The following FAP variants were observed in gnomAD, a reference collection of about 807,000 sequenced individuals.
FAP encodes fibroblast activation protein alpha, also known as prolyl endopeptidase FAP.
In FAP, 110 loss-of-function variants were observed where a neutral mutation model predicts 126.5. The ratio of observed to expected loss-of-function variants is 0.87; its 90% CI spans 0.74 to 1.02. The LOEUF (loss-of-function observed/expected upper bound fraction) is 1.02. FAP is among the 50% of genes least tolerant of loss of function. FAP has a pLI of 0.00. For missense variants in FAP, 919 were observed against 909.2 expected, an observed-to-expected ratio of 1.01 and a Z score of -0.14; for synonymous variants, 334 against 297.3, an observed-to-expected ratio of 1.12 and a Z score of -1.27.
intron 17 of FAP, among the ~76,000 whole-genome samples, chr2:162,191,534 GCA>G (rs2106230479): frequency 6.6e-6 from 1 of 151,476 alleles, no homozygotes; most frequent in South Asian, 2.1e-4. Flanking sequence ...TCAGTACCAA[GCA>G]CACACAGCAC....
intron 2 of FAP, among the ~76,000 whole-genome samples, chr2:162,236,622 G>GC (rs1690145158): frequency 6.6e-6 from 1 of 151,812 alleles, no homozygotes; most frequent in African/African-American, 2.4e-5. Context: ...TTTGGTGGGG[G>GC]GGCAGGGAGA....
At chr2:162,230,856 A>G (rs946364289) in intron 2 of FAP, among the ~76,000 whole-genome samples, 4 of 152,214 alleles carry the variant, frequency 2.6e-5, no homozygotes, top group African/African-American at 9.6e-5. Context: ...ATTTCACTGA[A>G]TCTATTTTGC....
intron 8 of FAP, 38 bp from the exon 9 acceptor site, chr2:162,218,178 T>A: frequency 7.4e-7 from 1 of 1,355,234 alleles, no homozygotes; most frequent in Non-Finnish European, 1.0e-6. Flanking sequence ...TATAATTACA[T>A]CTTACTCTTA....
At chr2:162,235,196 C>T (rs1690073734) in intron 2 of FAP, among the ~76,000 whole-genome samples, 1 of 152,136 alleles carries the variant, frequency 6.6e-6, no homozygotes, top group African/African-American at 2.4e-5. Flanking sequence ...CTGCCCCTCC[C>T]CCTCCGCCAT....
chr2:162,198,346 C>T (rs1404986616), intron 16 of FAP: 3 of 1,282,962 alleles, frequency 2.3e-6, no homozygotes, highest in Admixed American at 4.9e-5. Context: ...GGCCAAAAGT[C>T]CAGCAACCAT....
intron 12 of FAP, among the ~76,000 whole-genome samples, chr2:162,207,734 A>G (rs1211867408): frequency 1.3e-5 from 2 of 149,672 alleles, no homozygotes; most frequent in African/African-American, 4.9e-5. Flanking sequence ...TTTTTGAGAC[A>G]GAGTCTCGCT....
At chr2:162,215,499 GCTA>G in intron 10 of FAP, among the ~76,000 whole-genome samples, 1 of 152,296 alleles carries the variant, frequency 6.6e-6, no homozygotes, top group African/African-American at 2.4e-5. Context: ...TGTGAAAAAT[GCTA>G]ATTTTTGGAG....
intron 11 of FAP, among the ~76,000 whole-genome samples, chr2:162,210,919 G>A (rs1291977468): frequency 1.3e-5 from 2 of 152,116 alleles, no homozygotes; most frequent in Admixed American, 6.6e-5. Flanking sequence ...AGAGTTATTG[G>A]CAAGTATACC....
rs538993675 is a variant in FAP, at chr2:162,224,630, C to T, written c.286-90G>A. 2.0e-4 allele frequency: 133 copies of T among 669,864 alleles called. 1 individual carries two copies. In the Middle Eastern group the frequency reaches 5.4e-3, roughly 27 times the overall value. 41.5% of individuals were successfully genotyped at this position (669,864 alleles called of 1,614,324 possible). ...TTTTAAAAGAATATTATATTATCAA[C>T]ATACTCCTACATGCATAGACTTTCA... On this transcript the variant is annotated intron_variant, in intron 4 of 25. Transcript: ENST00000188790.
intron 2 of FAP, among the ~76,000 whole-genome samples, chr2:162,235,816 G>T (rs1690108375): frequency 6.6e-6 from 1 of 152,168 alleles, no homozygotes; most frequent in Admixed American, 6.5e-5. Context: ...GGTCCATACT[G>T]CCTTTATGAG....
rs898996732 is a variant in FAP at position 162,196,412 on chromosome 2, T to C, written c.1403-1664A>G. Among the ~76,000 whole-genome samples, 18 of 152,108 alleles carry C rather than the reference T, an allele frequency of 1.2e-4. No individual in the cohort carries two copies. The East Asian group carries it at 2.9e-3, about 24-fold the overall frequency. On this transcript the variant is annotated intron_variant, in intron 16 of 25. Coordinates refer to ENST00000188790, the MANE Select transcript of FAP (RefSeq NM_004460.5). The stretch of plus-strand genomic sequence containing the variant: ...ACACATATTACATTTTCAGCCAGCA[T>C]GCAAAGAAATGAGACATGAATATAA...
At chr2:162,239,255 T>G (rs770095347) in intron 2 of FAP, among the ~76,000 whole-genome samples, 1 of 152,082 alleles carries the variant, frequency 6.6e-6, no homozygotes, top group Non-Finnish European at 1.5e-5. Flanking sequence ...CAGCCTGGTC[T>G]CAAACTCCTG....
At chr2:162,224,642 T>C (rs1689559805) in intron 4 of FAP, 102 bp from the exon 5 acceptor site, 1 of 599,868 alleles carries the variant, frequency 1.7e-6, no homozygotes. Context: ...TACTCCTACA[T>C]GCATAGACTT....
chr2:162,229,156 A>G (rs964683306), intron 2 of FAP, among the ~76,000 whole-genome samples: 2 of 152,068 alleles, frequency 1.3e-5, no homozygotes, highest in African/African-American at 4.8e-5. Flanking sequence ...AATTTTCCTT[A>G]CTTGTGTTAT....
At chr2:162,199,778 A>C (rs1180361640) in intron 15 of FAP, among the ~76,000 whole-genome samples, 1 of 152,248 alleles carries the variant, frequency 6.6e-6, no homozygotes, top group African/African-American at 2.4e-5. Flanking sequence ...TAACACATAA[A>C]GTAAGATCAC....
chr2:162,239,022 A>G (rs1690244676), intron 2 of FAP, among the ~76,000 whole-genome samples: 1 of 152,174 alleles, frequency 6.6e-6, no homozygotes, highest in Admixed American at 6.5e-5. Context: ...ATGTGTATGT[A>G]TGTAGAATCA....
chr2:162,190,609 A>G (rs1453029885), intron 17 of FAP, among the ~76,000 whole-genome samples: 1 of 152,094 alleles, frequency 6.6e-6, no homozygotes, highest in Non-Finnish European at 1.5e-5. Context: ...CTTATTTTGA[A>G]CCTGGGATTG....
chr2:162,227,050 C>T (rs1359906387), intron 2 of FAP, among the ~76,000 whole-genome samples: 4 of 152,114 alleles, frequency 2.6e-5, no homozygotes. Context: ...TCTTATGCAG[C>T]TCACTGTATT....
chr2:162,189,676 T>C lies in FAP; in HGVS notation c.1529A>G (p.Lys510Arg). Residue 510 changes from lysine (K) to arginine (R), a missense_variant, in exon 18 of 26, where the codon AAA becomes AGA. By Grantham distance (26) the Lys-to-Arg change is conservative. Transcript: ENST00000188790. ...CTTACTAATTTCATCTACTTCAAGT[T>C]TCTTAATTTCCTCTTTAGGCAGCTG... ...NIQLPKEEIKKLEVDEITLWY... is the reference protein window; with the variant it reads ...NIQLPKEEIKRLEVDEITLWY... The C allele has an allele frequency of 6.4e-7, 1 of 1,573,974 alleles. No individual in the cohort carries two copies. Among genetic ancestry groups the C allele is most frequent in the South Asian group, 1.2e-5 (1 of 85,920 alleles).
Sources: gnomAD v4.1 joint callset for allele counts (sites outside exome capture counted in the v4.1 genomes callset) on GRCh38, gnomAD v4.1.1 for gene constraint, MANE v1.5 for transcripts, NCBI Gene and HGNC (gene_info 2026-07-23, HGNC 2026-07-21) for gene names.